DHX57: variants seen among roughly 807,000 people sequenced by gnomAD.
DHX57 encodes the protein DExH-box helicase 57.
Under a neutral mutation model 156.2 loss-of-function variants are expected in DHX57, and 105 were observed. The ratio of observed to expected loss-of-function variants is 0.67; its 90% confidence interval spans 0.57 to 0.79. The LOEUF is 0.79. DHX57 is among the 30% of genes least tolerant of loss of function. The pLI, the probability that DHX57 is intolerant of heterozygous loss-of-function variation, is 0.00. For missense variants in DHX57, 1,847 were observed against 1,661.9 expected, an observed-to-expected ratio of 1.11 and a Z score of -1.94; for synonymous variants, 704 against 595.6, an observed-to-expected ratio of 1.18 and a Z score of -2.65.
chr2:38,857,859 A>C (rs1216362108), intron 6 of DHX57, among the ~76,000 whole-genome samples: 2 of 152,126 alleles, frequency 1.3e-5, no homozygotes, highest in Non-Finnish European at 2.9e-5. Context: ...GTCCTTCCTT[A>C]TCCTTCTCCT....
chr2:38,824,785 T>G (rs1671009441), intron 16 of DHX57, among the ~76,000 whole-genome samples: 1 of 152,170 alleles, frequency 6.6e-6, no homozygotes, highest in Admixed American at 6.5e-5. Flanking sequence ...GAAACTGGGA[T>G]TACAGGCGTG....
chr2:38,806,604 C>A lies in DHX57; in HGVS notation c.3771G>T (p.Lys1257Asn). 6.2e-7 allele frequency: 1 copy of A among 1,614,134 alleles called. No homozygotes were observed. The highest frequency in any genetic ancestry group is 8.5e-7 in the Non-Finnish European group (1 of 1,180,028). The change falls in exon 22 of 24, where the codon AAG becomes AAT. Residue 1257 changes from lysine to asparagine, a missense_variant. Lys to Asn is a moderately conservative substitution (Grantham distance 94). Transcript: ENST00000457308. ...PKSAELKFVT[K>N]NDGYVHIHPS... ...GGTGAATGTGTACATATCCATCGTT[C>A]TTGGTGACAAACTTCAACTCAGCTG... is the stretch of plus-strand genomic sequence containing the variant.
At chr2:38,848,843 C>G (rs866509388) in intron 9 of DHX57, among the ~76,000 whole-genome samples, 4 of 152,096 alleles carry the variant, frequency 2.6e-5, no homozygotes, top group South Asian at 2.1e-4. Flanking sequence ...GGAATCTTAC[C>G]ACTTGTAGTG....
chr2:38,853,097 C>T (rs1189859450), intron 9 of DHX57: 1 of 103,588 alleles, frequency 9.7e-6, no homozygotes, highest in Non-Finnish European at 2.0e-5. Context: ...GCTTTCTTGA[C>T]CAGGGTGGAG....
intron 20 of DHX57, among the ~76,000 whole-genome samples, chr2:38,814,341 A>G (rs1452858766): frequency 3.3e-5 from 5 of 152,228 alleles, no homozygotes; most frequent in Admixed American, 2.6e-4. Flanking sequence ...TCTCTTTGCT[A>G]GAAAAATTAT....
intron 11 of DHX57, among the ~76,000 whole-genome samples, chr2:38,845,561 G>A (rs544807863): frequency 3.3e-5 from 5 of 152,256 alleles, no homozygotes; most frequent in Non-Finnish European, 5.9e-5. Flanking sequence ...TCAGAGGTCA[G>A]GAATGAAGAT....
rs535255206 is a variant in DHX57, at chr2:38,851,267, GGACA to G, written c.2030+2783_2030+2786del. Among the ~76,000 whole-genome samples the G allele has an allele frequency of 7.2e-5, 11 of 152,072 alleles. No individual in the cohort carries two copies. The South Asian group carries it at 2.3e-3, about 32-fold the overall frequency. On this transcript the variant is annotated intron_variant, in intron 9 of 23. Coordinates refer to ENST00000457308, the MANE Select transcript of DHX57 (RefSeq NM_198963.3). ...AACATGTAACTAGCAATTTTATAAG[GGACA>G]GAGATTCTTCTTTTACATTTTTTGG...
intron 13 of DHX57, among the ~76,000 whole-genome samples, chr2:38,836,528 C>T (rs911364371): frequency 6.6e-6 from 1 of 152,146 alleles, no homozygotes; most frequent in Admixed American, 6.5e-5. Flanking sequence ...AATCCCAGCA[C>T]TTTGGGAGGC....
chr2:38,859,666 G>A (rs1430561578), intron 5 of DHX57, among the ~76,000 whole-genome samples: 1 of 152,150 alleles, frequency 6.6e-6, no homozygotes, highest in Non-Finnish European at 1.5e-5. Context: ...CGGGTGGTTA[G>A]TGAGTGAATC....
chr2:38,868,351 A>G lies in DHX57; in HGVS notation c.55T>C (p.Ser19Pro). The change falls in exon 2 of 24, where the codon TCT becomes CCT. Residue 19 changes from serine to proline, a missense_variant. By Grantham distance (74) the Ser-to-Pro change is moderately conservative. Coordinates refer to ENST00000457308, the MANE Select transcript of DHX57 (RefSeq NM_198963.3). ...GKPGKGGGKGSSRGGRGGRSH... is the reference protein window; with the variant it reads ...GKPGKGGGKGPSRGGRGGRSH... ...CTGCCTCCTCTTCCTCCTCTAGAAG[A>G]CCCTTTTCCACCTCCTTTGCCTGGC... 1 of 1,613,500 alleles carries G rather than the reference A, an allele frequency of 6.2e-7. No homozygotes were observed. The highest frequency in any genetic ancestry group is 2.2e-5 in the East Asian group (1 of 44,870).
Position 38,843,127 on chromosome 2 carries a change from G to A in DHX57, c.2303C>T (p.Thr768Ile). 6.2e-7 allele frequency: 1 copy of A among 1,614,196 alleles called. No homozygotes were observed. The highest frequency in any genetic ancestry group is 1.1e-5 in the South Asian group (1 of 91,092). ...GTCTTCTTCCACTTCTTCAAATGCAGTTCTGTTCCGCCTTGCTTTAAGCTT... is the reference window on the plus strand; with the variant it reads ...GTCTTCTTCCACTTCTTCAAATGCAATTCTGTTCCGCCTTGCTTTAAGCTT... ...KEKLKARRNR[T>I]AFEEVEEDLR... Residue 768 changes from threonine to isoleucine, a missense_variant, in exon 12 of 24, where the codon ACT becomes ATT. By Grantham distance (89) the Thr-to-Ile change is moderately conservative (BLOSUM62 -1). Coordinates refer to ENST00000457308, the MANE Select transcript of DHX57 (RefSeq NM_198963.3).
intron 1 of DHX57, among the ~76,000 whole-genome samples, chr2:38,872,823 C>T (rs1262533311): frequency 1.3e-5 from 2 of 152,076 alleles, no homozygotes; most frequent in Non-Finnish European, 2.9e-5. Flanking sequence ...AACAACTAGA[C>T]AGAGGATCAA....
intron 1 of DHX57, among the ~76,000 whole-genome samples, chr2:38,873,619 GT>G (rs1449811786): frequency 2.6e-5 from 4 of 152,120 alleles, no homozygotes; most frequent in Admixed American, 1.3e-4. Context: ...ATGATTGAAG[GT>G]TGAAAAAATG....
intron 20 of DHX57, among the ~76,000 whole-genome samples, chr2:38,814,826 G>A (rs894383907): frequency 2.6e-5 from 4 of 151,880 alleles, no homozygotes. Flanking sequence ...GGGTTCAAGC[G>A]ATTCTCCTGC....
At chr2:38,868,081 C>A (rs1665169066) in intron 2 of DHX57, 101 bp downstream of exon 2, 3 of 1,434,814 alleles carry the variant, frequency 2.1e-6, no homozygotes, top group African/African-American at 2.8e-5. Flanking sequence ...ACAATTTGAC[C>A]AGAATTACTC....
intron 13 of DHX57, among the ~76,000 whole-genome samples, chr2:38,830,999 T>C (rs1290767272): frequency 2.0e-5 from 3 of 152,068 alleles, no homozygotes; most frequent in East Asian, 1.9e-4. Flanking sequence ...AGCCAGGAAG[T>C]TGGGGCTGCA....
chr2:38,828,901 C>T (rs1433735981), intron 13 of DHX57, among the ~76,000 whole-genome samples: 2 of 152,070 alleles, frequency 1.3e-5, no homozygotes, highest in African/African-American at 2.4e-5. Context: ...TAATGTCTGT[C>T]GGTATAATGC....
chr2:38,861,428 T>C lies in DHX57; in HGVS notation c.982A>G (p.Asn328Asp), dbSNP rs375970776. The change falls in exon 5 of 24, where the codon AAT becomes GAT. Residue 328 changes from asparagine to aspartate, a missense_variant. Coordinates refer to ENST00000457308, the MANE Select transcript of DHX57 (RefSeq NM_198963.3). ...CTTTCTATTCTTCCAACAATTTGAT[T>C]TGGGGGCACTTCATGTTTGAATCTG... ...KCRFKHEVPP[N>D]QIVGRIERSV... The C allele has an allele frequency of 9.3e-6, 15 of 1,613,948 alleles. No homozygotes were observed. The highest frequency in any genetic ancestry group is 1.3e-5 in the African/African-American group (1 of 74,930).
In DHX57 at chr2:38,797,987, T is replaced by G. The variant is rs2148520192; in HGVS notation, c.*312A>C. 4.3e-6 allele frequency: 1 copy of G among 234,324 alleles called. No homozygotes were observed. The highest frequency in any genetic ancestry group is 2.3e-5 in the African/African-American group (1 of 44,224). 14.5% of individuals were successfully genotyped at this position (234,324 alleles called of 1,614,324 possible). On this transcript the variant is annotated 3_prime_UTR_variant, in exon 24 of 24. Transcript: ENST00000457308. Reference sequence around the variant, plus strand: ...AAAGAATACACAGATTAAAACAGAATTGTATTATACATTCACTTTTGAGTT... The same window carrying G: ...AAAGAATACACAGATTAAAACAGAAGTGTATTATACATTCACTTTTGAGTT...
Sources: gnomAD v4.1 joint callset for allele counts (sites outside exome capture counted in the v4.1 genomes callset) on GRCh38, gnomAD v4.1.1 for gene constraint, MANE v1.5 for transcripts, NCBI Gene and HGNC (gene_info 2026-07-23, HGNC 2026-07-21) for gene names.